Variants in CRYBA4 observed in about 807,000 individuals in gnomAD.
CRYBA4 encodes the protein crystallin beta A4.
Under a neutral mutation model 31.7 loss-of-function variants are expected in CRYBA4, and 30 were observed. That is an observed-to-expected ratio of 0.95 (90% CI 0.71 to 1.28). The LOEUF is 1.28. Among genes scored for constraint, CRYBA4 ranks in the 50% most tolerant of loss-of-function variants. The pLI is 0.00. For synonymous variants in CRYBA4, 102 were observed against 102.3 expected, an observed-to-expected ratio of 1.00 and a Z score of 0.02; for missense variants, 225 against 260.7, an observed-to-expected ratio of 0.86 and a Z score of 0.94.
the CRYBA4 span, among the ~76,000 whole-genome samples, chr22:26,602,992 G>A: frequency 6.6e-6 from 1 of 151,974 alleles, no homozygotes; most frequent in Admixed American, 6.6e-5. Flanking sequence ...GGGCGTGGTG[G>A]TGGGAGCCTG....
the CRYBA4 span, among the ~76,000 whole-genome samples, chr22:26,613,865 C>T: frequency 1.3e-5 from 2 of 152,298 alleles, no homozygotes; most frequent in South Asian, 4.2e-4. Context: ...GGAGAAATAT[C>T]GCTGAATTCT....
chr22:26,607,943 T>C, the CRYBA4 span: 1 of 1,614,202 alleles, frequency 6.2e-7, no homozygotes, highest in Non-Finnish European at 8.5e-7. Flanking sequence ...TGCTCGACCA[T>C]GTGTTCCAGC....
chr22:26,599,545 T>C, the CRYBA4 span: 12 of 1,614,120 alleles, frequency 7.4e-6, no homozygotes, highest in Non-Finnish European at 8.5e-6. Context: ...GTGCCACTGC[T>C]TGTCACGCAG....
rs375196043 is a variant in CRYBA4, at chr22:26,623,253, A to G, written c.59A>G (p.Asp20Gly). ...GPWKMVVWDEDGFQGRRHEFT... is the reference protein window; with the variant it reads ...GPWKMVVWDEGGFQGRRHEFT... ...GCACAGATGGTGGTGTGGGATGAGGACGGCTTCCAGGGCCGGCGGCACGAG... is the reference window on the plus strand; with the variant it reads ...GCACAGATGGTGGTGTGGGATGAGGGCGGCTTCCAGGGCCGGCGGCACGAG... Residue 20 changes from aspartate to glycine, a missense_variant, in exon 3 of 6, where the codon GAC becomes GGC. By Grantham distance (94) the Asp-to-Gly change is moderately conservative. Transcript: ENST00000354760. 3 of 1,612,496 alleles carry G rather than the reference A, an allele frequency of 1.9e-6. No individual in the cohort carries two copies. The African/African-American group carries it at 4.0e-5, about 22-fold the overall frequency.
the CRYBA4 span, among the ~76,000 whole-genome samples, chr22:26,591,815 C>T: frequency 6.7e-6 from 1 of 149,034 alleles, no homozygotes; most frequent in South Asian, 2.1e-4. Flanking sequence ...GGCTGAGGCA[C>T]GAGAATTGCT....
chr22:26,590,323 G>C, the CRYBA4 span, among the ~76,000 whole-genome samples: 1 of 152,040 alleles, frequency 6.6e-6, no homozygotes, highest in Admixed American at 6.5e-5. Context: ...CTGTCTGCTC[G>C]CTGGCTTACC....
At chr22:26,616,564 C>T in the CRYBA4 span, among the ~76,000 whole-genome samples, 7 of 152,230 alleles carry the variant, frequency 4.6e-5, no homozygotes, top group South Asian at 4.1e-4. Flanking sequence ...TTTGACCATG[C>T]GGTTCCCTCC....
At chr22:26,593,240 A>G in the CRYBA4 span, among the ~76,000 whole-genome samples, 49 of 152,372 alleles carry the variant, frequency 3.2e-4, no homozygotes, top group African/African-American at 1.2e-3. Flanking sequence ...AGCAGGAAGA[A>G]TATTTATCAA....
At chr22:26,609,031 C>CA in the CRYBA4 span, among the ~76,000 whole-genome samples, 4 of 152,152 alleles carry the variant, frequency 2.6e-5, 1 homozygote, top group South Asian at 8.3e-4. Flanking sequence ...GTAGATAAGA[C>CA]AATCCCCATT....
intron 3 of CRYBA4, among the ~76,000 whole-genome samples, 191 bp from the exon 4 acceptor site, chr22:26,625,290 G>A (rs539770821): frequency 7.2e-5 from 11 of 152,216 alleles, no homozygotes; most frequent in Non-Finnish European, 1.2e-4. Context: ...GCCTCTACCC[G>A]ATAGATGGCC....
chr22:26,605,045 TAGG>T, the CRYBA4 span, among the ~76,000 whole-genome samples: 1 of 152,164 alleles, frequency 6.6e-6, no homozygotes, highest in Non-Finnish European at 1.5e-5. Flanking sequence ...ATCGTTGCTC[TAGG>T]AGTTTTGCAC....
chr22:26,623,412 G>T, intron 3 of CRYBA4, 60 bp downstream of exon 3: 2 of 1,357,702 alleles, frequency 1.5e-6, no homozygotes, highest in Non-Finnish European at 2.1e-6. Flanking sequence ...CCTAGAGACG[G>T]GTGCTAGGAC....
In CRYBA4 at chr22:26,630,603, C is replaced by A. The variant is rs1269594442; in HGVS notation, c.*116C>A. ...CTGTAACCTGTGTGAACCCAGCACC[C>A]ATGTGAACTGGTCCGTGCACAGTCA... On this transcript the variant is annotated 3_prime_UTR_variant, in exon 6 of 6. Coordinates refer to ENST00000354760, the MANE Select transcript of CRYBA4 (RefSeq NM_001886.3). 5.8e-6 allele frequency: 5 copies of A among 857,138 alleles called. No individual in the cohort carries two copies. The Admixed American group carries it at 1.0e-4, about 17-fold the overall frequency. The allele number at this position is 857,138 out of a possible 1,614,324, so 53.1% of individuals were successfully genotyped here. A position where few individuals can be genotyped will look rare whatever the true frequency, so the allele number is the denominator to read the frequency against.
At chr22:26,617,485 G>T (rs900221919), upstream of CRYBA4, among the ~76,000 whole-genome samples, 2 of 152,144 alleles carry the variant, frequency 1.3e-5, no homozygotes, top group African/African-American at 4.8e-5. Context: ...TTCACCAGGG[G>T]TGAGGCCAGA....
chr22:26,593,458 T>G, the CRYBA4 span, among the ~76,000 whole-genome samples: 3 of 151,906 alleles, frequency 2.0e-5, no homozygotes, highest in African/African-American at 7.2e-5. Context: ...GGCAACATGG[T>G]GAGACCTTGT....
the CRYBA4 span, chr22:26,612,106 C>A: frequency 5.6e-6 from 9 of 1,613,782 alleles, no homozygotes; most frequent in Non-Finnish European, 6.8e-6. Flanking sequence ...CGCACACGGT[C>A]GAAGCCACGG....
the CRYBA4 span, chr22:26,612,154 G>A: frequency 9.9e-6 from 16 of 1,613,884 alleles, no homozygotes; most frequent in Middle Eastern, 1.6e-4. Flanking sequence ...AATTCTGCTC[G>A]ACGGCCCTGG....
At chr22:26,624,054 G>A (rs1473323573) in intron 3 of CRYBA4, among the ~76,000 whole-genome samples, 3 of 152,252 alleles carry the variant, frequency 2.0e-5, no homozygotes, top group Non-Finnish European at 4.4e-5. Flanking sequence ...CATATGGCCA[G>A]TGGCTACCAT....
chr22:26,596,732 C>A, the CRYBA4 span: 1 of 152,186 alleles, frequency 6.6e-6, no homozygotes, highest in African/African-American at 2.4e-5. Context: ...GCTTTACTCA[C>A]AGACCTTAAG....
Sources: allele counts gnomAD v4.1 joint callset (sites outside exome capture counted in the v4.1 genomes callset), GRCh38; gene constraint gnomAD v4.1.1; transcripts MANE v1.5; gene names NCBI Gene and HGNC (gene_info 2026-07-23, HGNC 2026-07-21).